CFAP44: variants seen among roughly 807,000 people sequenced by gnomAD.
CFAP44 encodes cilia- and flagella-associated protein 44.
CFAP44 carries 134 observed loss-of-function variants against 216.2 expected under a neutral mutation model. The observed-to-expected ratio is 0.62, with a 90% confidence interval of 0.54 to 0.72. The LOEUF (loss-of-function observed/expected upper bound fraction) is 0.72, where lower values mean the gene tolerates loss of function less well. Ranked by LOEUF, CFAP44 falls within the 30% of genes least tolerant of loss-of-function variation. The probability of loss-of-function intolerance (pLI) is 0.00; values close to 1 mark genes in which losing one functional copy is unlikely to be tolerated. For synonymous variants in CFAP44, 700 were observed against 727.6 expected (o/e 0.96, Z 0.61); for missense variants, 2,035 against 2,182.1 (o/e 0.93, Z 1.34).
chr3:113,413,793 T>G (rs1340656628), intron 6 of CFAP44, among the ~76,000 whole-genome samples: 4 of 152,226 alleles, frequency 2.6e-5, no homozygotes, highest in Non-Finnish European at 5.9e-5. Context: ...TCAGGTAGTG[T>G]GATGCCTCCA....
In CFAP44 at chr3:113,344,730, G is replaced by A. The variant is rs757913168; in HGVS notation, c.3066-18C>T. The A allele has an allele frequency of 2.4e-5, 36 of 1,484,430 alleles. No individual in the cohort carries two copies. The highest frequency in any genetic ancestry group is 2.9e-5 in the African/African-American group (2 of 70,140). 92.0% of individuals were successfully genotyped at this position (1,484,430 alleles called of 1,614,324 possible). On this transcript the variant is annotated intron_variant, in intron 22 of 34. Coordinates refer to ENST00000393845, the MANE Select transcript of CFAP44 (RefSeq NM_001164496.2). ...CTCGAAATCTGAAAAAATAAAACAA[G>A]TATTTGCAGTAGTCACCATTTTGAT... is the stretch of plus-strand genomic sequence containing the variant.
chr3:113,427,831 T>C (rs975450829), intron 2 of CFAP44, among the ~76,000 whole-genome samples: 18 of 151,976 alleles, frequency 1.2e-4, no homozygotes, highest in African/African-American at 4.1e-4. Context: ...TAAGCCAACA[T>C]TCAGATCAAG....
intron 6 of CFAP44, 92 bp from the exon 7 acceptor site, chr3:113,409,414 GGTGAT>G (rs1934391242): frequency 8.7e-7 from 1 of 1,149,698 alleles, no homozygotes. Flanking sequence ...GTCAGCCCAT[GGTGAT>G]GTAAGAATGC....
chr3:113,403,537 C>T (rs538699362), intron 9 of CFAP44, among the ~76,000 whole-genome samples: 1 of 152,276 alleles, frequency 6.6e-6, no homozygotes, highest in Admixed American at 6.5e-5. Flanking sequence ...TCATATGGAG[C>T]CTTTTGGAAG....
At chr3:113,309,801 A>G (rs1950021632) in intron 28 of CFAP44, among the ~76,000 whole-genome samples, 1 of 152,212 alleles carries the variant, frequency 6.6e-6, no homozygotes, top group Non-Finnish European at 1.5e-5. Context: ...AGTTCCTTGG[A>G]TATTCTTTTA....
In CFAP44 at chr3:113,379,157, C is replaced by T. The variant is rs375040605; in HGVS notation, c.2298+149G>A. 3.6e-5 allele frequency: 21 copies of T among 579,066 alleles called. 1 individual carries two copies. Among genetic ancestry groups the T allele is most frequent in the African/African-American group, 1.7e-4 (9 of 51,810 alleles). 35.9% of individuals were successfully genotyped at this position (579,066 alleles called of 1,614,324 possible). A position where few individuals can be genotyped will look rare whatever the true frequency, so the allele number is the denominator to read the frequency against. ...TCCCACATTCATTCATCAAAACTCACGACTTCAATAGTATTTAATAAATGA... is the reference window on the plus strand; with the variant it reads ...TCCCACATTCATTCATCAAAACTCATGACTTCAATAGTATTTAATAAATGA... On this transcript the variant is annotated intron_variant, in intron 17 of 34. Transcript: ENST00000393845.
Position 113,288,403 on chromosome 3 carries a change from A to G in CFAP44, c.*3154T>C, listed in dbSNP as rs1452640814. 1 of 152,232 alleles carries G rather than the reference A, an allele frequency of 6.6e-6. No individual in the cohort carries two copies. The highest frequency in any genetic ancestry group is 1.5e-5 in the Non-Finnish European group (1 of 68,042). 9.4% of individuals were successfully genotyped at this position (152,232 alleles called of 1,614,324 possible). ...AATATTATTTAAAAGGAAGGACTGT[A>G]AGGAACAGGTAAATGTTAGGAAATG... On this transcript the variant is annotated 3_prime_UTR_variant, in exon 35 of 35. Transcript: ENST00000393845.
intron 28 of CFAP44, among the ~76,000 whole-genome samples, chr3:113,309,255 G>C (rs1236378531): frequency 6.6e-6 from 1 of 152,154 alleles, no homozygotes; most frequent in Non-Finnish European, 1.5e-5. Context: ...CACTCCACCT[G>C]TATTATCTTA....
intron 22 of CFAP44, among the ~76,000 whole-genome samples, chr3:113,353,736 T>C (rs906651608): frequency 9.2e-5 from 14 of 152,036 alleles, no homozygotes; most frequent in African/African-American, 3.4e-4. Context: ...AGCTGCACGA[T>C]AGAGACAGAG....
In CFAP44 at chr3:113,309,116, A is replaced by C. The variant is rs139426984; in HGVS notation, c.4517-848T>G. Among the ~76,000 whole-genome samples the C allele has an allele frequency of 5.1e-4, 78 of 152,284 alleles. 1 individual carries two copies. Among genetic ancestry groups the C allele is most frequent in the African/African-American group, 1.8e-3 (76 of 41,556 alleles). The stretch of plus-strand genomic sequence containing the variant: ...GCTTCTCTGAGTCCTTTTTCTGACT[A>C]GTTCCTGACCTTGAGCTGTGTCCTT... On this transcript the variant is annotated intron_variant, in intron 28 of 34. Transcript: ENST00000393845.
intron 24 of CFAP44, 50 bp from the exon 25 acceptor site, chr3:113,333,633 C>G (rs1397483826): frequency 1.4e-6 from 2 of 1,427,074 alleles, no homozygotes; most frequent in African/African-American, 2.9e-5. Flanking sequence ...ACAATAAACT[C>G]TAATTTGTCT....
chr3:113,441,502 C>T, upstream of CFAP44: 1 of 985,466 alleles, frequency 1.0e-6, no homozygotes, highest in Non-Finnish European at 1.2e-6. Flanking sequence ...CTGCCGGAGG[C>T]CTCCGTTTAC....
intron 7 of CFAP44, 90 bp downstream of exon 7, chr3:113,409,006 CAAAAAAAAAA>C (rs56301009): frequency 1.3e-4 from 43 of 319,552 alleles, no homozygotes; most frequent in Middle Eastern, 9.2e-4. Context: ...ACCAAAACAG[CAAAAAAAAAA>C]AAAAAAAAAA....
chr3:113,400,507 C>G (rs1191724290), intron 12 of CFAP44, 38 bp downstream of exon 12: 1 of 1,483,968 alleles, frequency 6.7e-7, no homozygotes, highest in Non-Finnish European at 9.0e-7. Flanking sequence ...TAAAACAAAA[C>G]AAGGCCAGAC....
chr3:113,433,454 A>AAAAAAAAAAAAAAAAAT (rs1559949254), intron 2 of CFAP44, 111 bp downstream of exon 2: 1 of 445,138 alleles, frequency 2.2e-6, no homozygotes, highest in Non-Finnish European at 3.7e-6. Flanking sequence ...AAAAAAAAAA[A>AAAAAAAAAAAAAAAAAT]AAGATCTATT....
intron 12 of CFAP44, 23 bp from the exon 13 acceptor site, chr3:113,400,023 GA>G (rs775553487): frequency 5.6e-5 from 83 of 1,476,854 alleles, no homozygotes; most frequent in Non-Finnish European, 6.9e-5. Context: ...AGTTTTAAAA[GA>G]AAAAAAATTA....
Position 113,395,830 on chromosome 3 carries a change from C to T in CFAP44, c.1810G>A (p.Val604Met). ...CCAATCGGCTTATAATCCCTTTCCACTTCAAAGAAGAAAACAGTTTGATCT... is the reference window on the plus strand; with the variant it reads ...CCAATCGGCTTATAATCCCTTTCCATTTCAAAGAAGAAAACAGTTTGATCT... ...SKDQTVFFFE[V>M]ERDYKPIGYI... Residue 604 changes from valine (V) to methionine (M), a missense_variant, in exon 15 of 35, where the codon GTG (valine) becomes ATG (methionine). By Grantham distance (21) the Val-to-Met change is conservative. This residue lies in a region of CFAP44 where 1,883 missense variants were observed against 2,023.7 expected (regional missense o/e 0.93). Coordinates refer to ENST00000393845, the MANE Select transcript of CFAP44 (RefSeq NM_001164496.2). The T allele has an allele frequency of 6.2e-7, 1 of 1,613,760 alleles. No homozygotes were observed. Among genetic ancestry groups the T allele is most frequent in the South Asian group, 1.1e-5 (1 of 91,024 alleles).
intron 21 of CFAP44, chr3:113,360,887 G>A: frequency 5.0e-6 from 1 of 198,904 alleles, no homozygotes; most frequent in Non-Finnish European, 1.1e-5. Context: ...TTTGTGTGGT[G>A]GAAACTGGCT....
intron 16 of CFAP44, among the ~76,000 whole-genome samples, chr3:113,380,474 G>A (rs1041503640): frequency 6.6e-6 from 1 of 151,350 alleles, no homozygotes; most frequent in African/African-American, 2.4e-5. Flanking sequence ...TCTGTCACCT[G>A]AGCTGGAGTG....
Sources: allele counts gnomAD v4.1 joint callset (sites outside exome capture counted in the v4.1 genomes callset), GRCh38; gene constraint gnomAD v4.1.1; regional missense constraint gnomAD v4.1.1; transcripts MANE v1.5; gene names NCBI Gene and HGNC (gene_info 2026-07-23, HGNC 2026-07-21).